Variants in ZC4H2 observed in about 807,000 individuals in gnomAD.
ZC4H2 encodes the protein zinc finger C4H2 domain-containing protein.
For missense variants in ZC4H2, 137 were observed against 173.9 expected, an observed-to-expected ratio of 0.79 and a Z score of 1.19; for synonymous variants, 84 against 66.3, an observed-to-expected ratio of 1.27 and a Z score of -1.30.
In ZC4H2 at chrX:64,976,435, A is replaced by G. The variant is rs375935996; in HGVS notation, c.-58T>C. 1.8e-5 allele frequency: 20 copies of G among 1,127,186 alleles called. No individual in the cohort carries two copies. The highest frequency in any genetic ancestry group is 2.4e-5 in the Non-Finnish European group (20 of 819,141). 92.9% of individuals were successfully genotyped at this position (1,127,186 alleles called of 1,213,427 possible). ...TGTACAAATACACCAGCCAAGGGAT[A>G]CAATAGACACAATGTAGCCACCTCC... On this transcript the variant is annotated 5_prime_UTR_variant, in exon 1 of 5. Coordinates refer to ENST00000374839, the MANE Select transcript of ZC4H2 (RefSeq NM_018684.4).
intron 1 of ZC4H2, among the ~76,000 whole-genome samples, chrX:65,013,044 T>C (rs1170623659): frequency 1.2e-4 from 13 of 111,333 alleles, no homozygotes. Flanking sequence ...ACTAGGCACA[T>C]GGTGGACCTG....
intron 1 of ZC4H2, among the ~76,000 whole-genome samples, chrX:64,950,060 T>C (rs1416887688): frequency 3.6e-5 from 4 of 112,074 alleles, no homozygotes; most frequent in Non-Finnish European, 5.6e-5. Context: ...TTTGTTCACG[T>C]TGGTTTCAAA....
intron 1 of ZC4H2, among the ~76,000 whole-genome samples, chrX:65,032,258 TA>T (rs943238462): frequency 1.2e-4 from 13 of 112,127 alleles, no homozygotes; most frequent in African/African-American, 3.9e-4. Flanking sequence ...TATACACTGA[TA>T]AAAAAATGTG....
intron 1 of ZC4H2, among the ~76,000 whole-genome samples, chrX:64,936,023 T>C (rs1002846801): frequency 2.7e-5 from 3 of 109,659 alleles, no homozygotes; most frequent in Non-Finnish European, 5.7e-5. Flanking sequence ...CTAAGAACAT[T>C]GAAAAAGGTT....
chrX:64,923,614 G>A (rs1018069797), intron 1 of ZC4H2, among the ~76,000 whole-genome samples: 2 of 110,105 alleles, frequency 1.8e-5, no homozygotes, highest in Non-Finnish European at 3.8e-5. Flanking sequence ...AGAAAGAACT[G>A]TTAGGTGGGT....
At chrX:64,941,648 AATC>A (rs1930286050) in intron 1 of ZC4H2, among the ~76,000 whole-genome samples, 1 of 112,385 alleles carries the variant, frequency 8.9e-6, no homozygotes, top group Non-Finnish European at 1.9e-5. Flanking sequence ...CTATTGAAAT[AATC>A]ATGAGGTTTT....
intron 1 of ZC4H2, among the ~76,000 whole-genome samples, chrX:64,940,851 T>C (rs1303633727): frequency 8.9e-6 from 1 of 112,119 alleles, no homozygotes; most frequent in Non-Finnish European, 1.9e-5. Context: ...AGCTTTGTTC[T>C]TTTTGCTTAG....
chrX:65,005,873 C>G (rs1216109227), intron 1 of ZC4H2, among the ~76,000 whole-genome samples: 1 of 109,010 alleles, frequency 9.2e-6, no homozygotes, highest in Non-Finnish European at 1.9e-5. Flanking sequence ...AAAAAAAAAG[C>G]AACCCTATTA....
At chrX:64,955,182 G>A (rs1931105361) in intron 1 of ZC4H2, among the ~76,000 whole-genome samples, 1 of 111,527 alleles carries the variant, frequency 9.0e-6, no homozygotes, top group Non-Finnish European at 1.9e-5. Context: ...CATATTCCTG[G>A]GAAAACAATC....
At chrX:64,931,822 T>A (rs750091005) in intron 1 of ZC4H2, among the ~76,000 whole-genome samples, 1 of 111,928 alleles carries the variant, frequency 8.9e-6, no homozygotes, top group South Asian at 3.7e-4. Flanking sequence ...AGAATGCATA[T>A]TCTGTAGTTG....
At chrX:64,978,575 C>T (rs1021636003), upstream of ZC4H2, among the ~76,000 whole-genome samples, 8 of 111,567 alleles carry the variant, frequency 7.2e-5, no homozygotes, top group Admixed American at 3.8e-4. Context: ...TCCTCACAAC[C>T]ACTATGAAGG....
intron 1 of ZC4H2, among the ~76,000 whole-genome samples, chrX:64,927,931 G>T (rs757046899): frequency 8.9e-6 from 1 of 112,387 alleles, no homozygotes; most frequent in Non-Finnish European, 1.9e-5. Flanking sequence ...GTCTTCTTTT[G>T]AGAAGTGTCT....
intron 1 of ZC4H2, among the ~76,000 whole-genome samples, chrX:65,024,144 G>A (rs1227712263): frequency 3.6e-5 from 4 of 110,451 alleles, no homozygotes; most frequent in Non-Finnish European, 7.6e-5. Context: ...AGCATTAGGA[G>A]AAATACCTAA....
intron 1 of ZC4H2, among the ~76,000 whole-genome samples, chrX:65,010,734 G>T (rs1027378460): frequency 2.7e-5 from 3 of 111,960 alleles, no homozygotes; most frequent in African/African-American, 9.7e-5. Flanking sequence ...TTAGGGAAAA[G>T]ACCACATGTT....
chrX:64,966,746 G>A (rs1931606388), intron 1 of ZC4H2, among the ~76,000 whole-genome samples: 1 of 112,112 alleles, frequency 8.9e-6, no homozygotes, highest in Admixed American at 9.5e-5. Context: ...TCAAGAAAAA[G>A]CCACTCTATT....
At chrX:64,983,635 G>T (rs892183340) in intron 1 of ZC4H2, among the ~76,000 whole-genome samples, 1 of 111,710 alleles carries the variant, frequency 9.0e-6, no homozygotes, top group Non-Finnish European at 1.9e-5. Context: ...CTGATTACAT[G>T]ATCTACTCTT....
intron 1 of ZC4H2, among the ~76,000 whole-genome samples, chrX:64,951,427 A>T (rs889406600): frequency 9.0e-6 from 1 of 111,654 alleles, no homozygotes; most frequent in African/African-American, 3.3e-5. Flanking sequence ...ACAGTGTAAA[A>T]GTGTTCCTAT....
intron 1 of ZC4H2, among the ~76,000 whole-genome samples, chrX:64,931,182 A>G (rs1569205302): frequency 2.7e-5 from 3 of 111,235 alleles, no homozygotes; most frequent in Admixed American, 9.6e-5. Context: ...TATCTTTTGT[A>G]TTTCCATGGT....
At chrX:64,939,453 T>G (rs1327871785) in intron 1 of ZC4H2, among the ~76,000 whole-genome samples, 1 of 111,905 alleles carries the variant, frequency 8.9e-6, no homozygotes, top group African/African-American at 3.2e-5. Context: ...TAACTTCATA[T>G]GGAACCAAAA....
Sources: allele counts gnomAD v4.1 joint callset (sites outside exome capture counted in the v4.1 genomes callset), GRCh38; gene constraint gnomAD v4.1.1; transcripts MANE v1.5; gene names NCBI Gene and HGNC (gene_info 2026-07-23, HGNC 2026-07-21).